The following MSH6 variants were observed in gnomAD, a reference collection of about 807,000 sequenced individuals.
MSH6 encodes mutS homolog 6.
Under a neutral mutation model 119.1 loss-of-function variants are expected in MSH6, and 85 were observed. That is an observed-to-expected ratio of 0.71 (90% confidence interval 0.60 to 0.85). MSH6 has a LOEUF of 0.85. MSH6 is among the 40% of genes least tolerant of loss of function. The pLI, the probability that MSH6 is intolerant of heterozygous loss-of-function variation, is 0.00. For synonymous variants in MSH6, 830 were observed against 586.9 expected, an observed-to-expected ratio of 1.41 and a Z score of -5.99; for missense variants, 2,163 against 1,655.3, an observed-to-expected ratio of 1.31 and a Z score of -5.32.
chr2:47,809,432 G>C (rs1002084887), downstream of MSH6: 22 of 688,854 alleles, frequency 3.2e-5, no homozygotes, highest in South Asian at 4.3e-4. Flanking sequence ...AATTTTCCTT[G>C]TATAAGATAC....
rs1558650240 is a variant in MSH6 at position 47,788,922 on chromosome 2, G to GTTTTTTTTTTTTTTTT, written c.261-1995_261-1980dup. Among the ~76,000 whole-genome samples, 66 of 40,936 alleles carry GTTTTTTTTTTTTTTTT rather than the reference G, an allele frequency of 1.6e-3. 7 individuals carry two copies. The highest frequency in any genetic ancestry group is 2.7e-3 in the East Asian group (3 of 1,112). 26.9% of individuals were successfully genotyped at this position (40,936 alleles called of 152,430 possible). A position where few individuals can be genotyped will look rare whatever the true frequency, so the allele number is the denominator to read the frequency against. Reference sequence around the variant, plus strand: ...TTTCTTCTTCCTTTTTTTTTTTTTTGTTTTTTTTTTTTTTTTTTTTTTTTT... The same window carrying GTTTTTTTTTTTTTTTT: ...TTTCTTCTTCCTTTTTTTTTTTTTTGTTTTTTTTTTTTTTTTTTTTTTTTTTTTTTTTTTTTTTTTT... On this transcript the variant is annotated intron_variant, in intron 1 of 9. Transcript: ENST00000234420.
intron 1 of MSH6, among the ~76,000 whole-genome samples, chr2:47,788,155 T>A (rs1384397781): frequency 6.6e-6 from 1 of 152,084 alleles, no homozygotes; most frequent in Non-Finnish European, 1.5e-5. Flanking sequence ...TTCTTCAAGC[T>A]TTTTAGCATT....
Position 47,783,146 on chromosome 2 carries a change from GA to G in MSH6, c.-87del. The G allele has an allele frequency of 6.4e-7, 1 of 1,572,034 alleles. No homozygotes were observed. Among genetic ancestry groups the G allele is most frequent in the Non-Finnish European group, 8.6e-7 (1 of 1,156,896 alleles). On this transcript the variant is annotated 5_prime_UTR_variant, in exon 1 of 10. Transcript: ENST00000234420. The stretch of plus-strand genomic sequence containing the variant: ...CTCCGGCGGAGCGCGCCTCCCCCCA[GA>G]TTTCCCGCCAGCAGGAGCCGCGCGG...
downstream of MSH6, chr2:47,808,268 A>G (rs1054420625): frequency 2.5e-6 from 4 of 1,612,758 alleles, no homozygotes; most frequent in South Asian, 1.1e-5. Flanking sequence ...ATGAAACCCA[A>G]ATATTAGAAA....
intron 1 of MSH6, chr2:47,784,494 T>G: frequency 6.5e-6 from 1 of 152,696 alleles, no homozygotes; most frequent in Non-Finnish European, 1.5e-5. Context: ...AGAGAGAGTT[T>G]CGCTCAAGTC....
At chr2:47,796,092 T>C (rs2104242739) in intron 3 of MSH6, 29 bp downstream of exon 3, 4 of 1,612,954 alleles carry the variant, frequency 2.5e-6, no homozygotes, top group South Asian at 1.1e-5. Context: ...TCAGTTGTTA[T>C]TTATGTTAGG....
rs1057520317 is a variant in MSH6, at chr2:47,783,189, A to T, written c.-45A>T. The T allele has an allele frequency of 3.7e-6, 6 of 1,607,516 alleles. No homozygotes were observed. The highest frequency in any genetic ancestry group is 5.1e-6 in the Non-Finnish European group (6 of 1,178,060). On this transcript the variant is annotated 5_prime_UTR_variant, in exon 1 of 10. It removes the in-frame stop codon of an upstream open reading frame in the 5' UTR. Coordinates refer to ENST00000234420, the MANE Select transcript of MSH6 (RefSeq NM_000179.3). The stretch of plus-strand genomic sequence containing the variant: ...GCCGCGCGGTAGATGCGGTGCTTTT[A>T]GGAGCTCCGTCCGACAGAACGGTTG...
At chr2:47,792,142 A>T (rs1668768914) in intron 2 of MSH6, among the ~76,000 whole-genome samples, 1 of 151,968 alleles carries the variant, frequency 6.6e-6, no homozygotes, top group Admixed American at 6.6e-5. Flanking sequence ...CACTGTGCCC[A>T]GCCGCCCAGC....
chr2:47,798,493 G>A, intron 3 of MSH6, 118 bp from the exon 4 acceptor site: 10 of 1,045,782 alleles, frequency 9.6e-6, no homozygotes, highest in Non-Finnish European at 1.4e-5. Flanking sequence ...TACTAAAAAT[G>A]AAAAACAGTG....
At chr2:47,806,953 ACCATTTTT>A, downstream of MSH6, 1 of 990,120 alleles carries the variant, frequency 1.0e-6, no homozygotes, top group Non-Finnish European at 1.6e-6. Context: ...TTTAAAAATG[ACCATTTTT>A]CCATTTTCTT....
At chr2:47,807,520 A>G (rs991221614), downstream of MSH6, 1 of 210,834 alleles carries the variant, frequency 4.7e-6, no homozygotes, top group African/African-American at 2.3e-5. Flanking sequence ...AAGAACGTAC[A>G]TACTGGGACA....
rs548019730 is a variant in MSH6, at chr2:47,785,329, G to T, written c.260+1836G>T. ...TGCAACCTCTGCCCGCCGGGTTCAA[G>T]TGATTCTCCTGCCTCAGCTTCCCGA... On this transcript the variant is annotated intron_variant, in intron 1 of 9. Transcript: ENST00000234420. 2.0e-4 allele frequency among the ~76,000 whole-genome samples: 31 copies of T among 152,260 alleles called. 1 individual carries two copies. Among genetic ancestry groups the T allele is most frequent in the Admixed American group, 1.8e-3 (28 of 15,286 alleles).
downstream of MSH6, chr2:47,809,318 A>C: frequency 8.5e-7 from 1 of 1,181,708 alleles, no homozygotes; most frequent in Non-Finnish European, 1.2e-6. Context: ...TAATATTTTA[A>C]AAACCAAAGA....
chr2:47,792,228 A>G (rs1404614535), intron 2 of MSH6, among the ~76,000 whole-genome samples: 1 of 152,166 alleles, frequency 6.6e-6, no homozygotes, highest in African/African-American at 2.4e-5. Context: ...ACCTCAGGTG[A>G]TCTGCCCATT....
At chr2:47,808,510 C>CT, downstream of MSH6, 1 of 1,289,766 alleles carries the variant, frequency 7.8e-7, no homozygotes, top group Middle Eastern at 2.8e-4. Context: ...TTACTATGAC[C>CT]TTTGGCTTTA....
In MSH6 at chr2:47,800,016, A is replaced by T. The variant is rs1553413404; in HGVS notation, c.2033A>T (p.Glu678Val). ...SIGLTPGEKS[E>V]LALSALGGCV... ...GGGTTGACACCAGGAGAGAAAAGTG[A>T]ATTGGCCCTCTCTGCTCTAGGTGGT... Residue 678 changes from glutamate (E) to valine (V), a missense_variant, in exon 4 of 10, where the codon GAA (glutamate) becomes GTA (valine). Glu to Val is a moderately radical substitution (Grantham distance 121). Transcript: ENST00000234420. 1 of 1,614,008 alleles carries T rather than the reference A, an allele frequency of 6.2e-7. No individual in the cohort carries two copies. The highest frequency in any genetic ancestry group is 2.2e-5 in the East Asian group (1 of 44,868).
intron 2 of MSH6, among the ~76,000 whole-genome samples, chr2:47,792,857 T>G (rs1170666082): frequency 3.5e-5 from 5 of 143,422 alleles, no homozygotes; most frequent in African/African-American, 8.6e-5. Flanking sequence ...TTTTTTTTTT[T>G]TTTTTTTTTT....
At chr2:47,797,209 T>C (rs1423332770) in intron 3 of MSH6, among the ~76,000 whole-genome samples, 2 of 152,200 alleles carry the variant, frequency 1.3e-5, no homozygotes, top group African/African-American at 4.8e-5. Flanking sequence ...AGCTGAAAGA[T>C]CATTATCCTC....
At chr2:47,808,553 GC>G, downstream of MSH6, 1 of 699,048 alleles carries the variant, frequency 1.4e-6, no homozygotes, top group Non-Finnish European at 2.2e-6. Flanking sequence ...TGTGGCTCCA[GC>G]CCAGATTAAT....
Sources: gnomAD v4.1 joint callset for allele counts (sites outside exome capture counted in the v4.1 genomes callset) on GRCh38, gnomAD v4.1.1 for gene constraint, MANE v1.5 for transcripts, NCBI Gene and HGNC (gene_info 2026-07-23, HGNC 2026-07-21) for gene names.